RHBDL3: variants seen among roughly 807,000 people sequenced by gnomAD.
The protein encoded by RHBDL3 is rhomboid like 3.
RHBDL3 carries 28 observed loss-of-function variants against 48.2 expected under a neutral mutation model. The ratio of observed to expected loss-of-function variants is 0.58; its 90% CI spans 0.43 to 0.80. RHBDL3 has a LOEUF of 0.80. Among genes scored for constraint, RHBDL3 ranks in the 30% least tolerant of loss-of-function variants. The pLI, the probability that RHBDL3 is intolerant of heterozygous loss-of-function variation, is 0.00. For synonymous variants in RHBDL3, 208 were observed against 232.3 expected, an observed-to-expected ratio of 0.90 and a Z score of 0.95; for missense variants, 464 against 542.7, an observed-to-expected ratio of 0.85 and a Z score of 1.44.
chr17:32,277,068 T>C (rs1045538895), intron 2 of RHBDL3, among the ~76,000 whole-genome samples: 2 of 152,168 alleles, frequency 1.3e-5, no homozygotes, highest in Admixed American at 1.3e-4. Flanking sequence ...GAGAAGACAA[T>C]GGGGATCCGG....
intron 7 of RHBDL3, among the ~76,000 whole-genome samples, chr17:32,307,576 T>C (rs1484719688): frequency 6.6e-6 from 1 of 152,098 alleles, no homozygotes; most frequent in African/African-American, 2.4e-5. Flanking sequence ...AGACACTGAG[T>C]ACCTGCCTAT....
intron 2 of RHBDL3, among the ~76,000 whole-genome samples, chr17:32,276,674 G>A (rs932222308): frequency 1.1e-4 from 14 of 125,376 alleles, no homozygotes; most frequent in African/African-American, 3.3e-4. Context: ...GGACTCCAGC[G>A]CTAGCACCGT....
At position 32,291,383 on chromosome 17, in the gene RHBDL3, A is replaced by C. The variant is rs117483107; in HGVS notation, c.519+2367A>C. ...AAGAATTTAGGACCTTGAGTGTATG[A>C]GCAAAAACACTATCCTGGCCGGGCA... On this transcript the variant is annotated intron_variant, in intron 4 of 8. Coordinates refer to ENST00000269051, the MANE Select transcript of RHBDL3 (RefSeq NM_138328.3). 6.3e-3 allele frequency among the ~76,000 whole-genome samples: 957 copies of C among 151,444 alleles called. 4 individuals are homozygous for C. Among genetic ancestry groups the C allele is most frequent in the East Asian group, 0.033 (166 of 5,096 alleles).
At chr17:32,271,727 G>A (rs558507954) in intron 2 of RHBDL3, among the ~76,000 whole-genome samples, 7 of 152,166 alleles carry the variant, frequency 4.6e-5, no homozygotes, top group Non-Finnish European at 8.8e-5. Context: ...AAGCTCAAAA[G>A]AACAAGAGGG....
intron 7 of RHBDL3, among the ~76,000 whole-genome samples, chr17:32,309,904 C>T (rs1486873101): frequency 2.0e-5 from 3 of 151,526 alleles, no homozygotes; most frequent in East Asian, 4.0e-4. Flanking sequence ...CTCAGCCCCC[C>T]GAGTAGCTGG....
At chr17:32,310,721 ATAT>A (rs2040825903) in intron 7 of RHBDL3, among the ~76,000 whole-genome samples, 1 of 100,738 alleles carries the variant, frequency 9.9e-6, no homozygotes. Context: ...TAAAAAAAAT[ATAT>A]ATATAAAAAA....
rs1377728887 is a variant in RHBDL3, at chr17:32,276,288, CAG to C, written c.135+8364_135+8365del. 5.3e-5 allele frequency among the ~76,000 whole-genome samples: 8 copies of C among 152,160 alleles called. No homozygotes were observed. The East Asian group carries it at 1.5e-3, about 29-fold the overall frequency. Reference sequence around the variant, plus strand: ...TGTGAAAGTCAGTATTTTAAAGAGTCAGGGGAAAAGATCAAGGGAAGGGTGTG... The same window carrying C: ...TGTGAAAGTCAGTATTTTAAAGAGTCGGGAAAAGATCAAGGGAAGGGTGTG... On this transcript the variant is annotated intron_variant, in intron 2 of 8. Coordinates refer to ENST00000269051, the MANE Select transcript of RHBDL3 (RefSeq NM_138328.3).
chr17:32,266,427 G>C, intron 1 of RHBDL3, 127 bp downstream of exon 1: 1 of 461,208 alleles, frequency 2.2e-6, no homozygotes, highest in South Asian at 3.3e-5. Context: ...GGATTGGCCG[G>C]GTCCCCGCGG....
rs766905302 is a variant in RHBDL3, at chr17:32,284,827, C to T, written c.294+10C>T. On this transcript the variant is annotated intron_variant, in intron 3 of 8. Coordinates refer to ENST00000269051, the MANE Select transcript of RHBDL3 (RefSeq NM_138328.3). ...GGATTTTGTCAGCCTAGTGAGTGCT[C>T]TGGGGCCCTTGGTACTCGGGGGGAC... The T allele has an allele frequency of 1.2e-6, 2 of 1,612,278 alleles. No homozygotes were observed. Among genetic ancestry groups the T allele is most frequent in the Non-Finnish European group, 1.7e-6 (2 of 1,178,820 alleles).
At position 32,284,675 on chromosome 17, in the gene RHBDL3, C is replaced by G; in HGVS notation, c.152C>G (p.Thr51Arg). ...TTCCCTCAGTTTGACCCTGGGAACA[C>G]AGGCTACATTAGCACAGGCAAGTTC... ...VLFDQFDPGN[T>R]GYISTGKFRS... is the part of the protein sequence containing the mutation. The change falls in exon 3 of 9, where the codon ACA (threonine) becomes AGA (arginine). Residue 51 changes from threonine to arginine, a missense_variant. Coordinates refer to ENST00000269051, the MANE Select transcript of RHBDL3 (RefSeq NM_138328.3). 3 of 1,614,132 alleles carry G rather than the reference C, an allele frequency of 1.9e-6. No homozygotes were observed. Among genetic ancestry groups the G allele is most frequent in the East Asian group, 2.2e-5 (1 of 44,890 alleles).
chr17:32,324,261 A>G lies in RHBDL3; in HGVS notation c.*3032A>G, dbSNP rs749255595. 2.0e-5 allele frequency: 3 copies of G among 152,644 alleles called. No homozygotes were observed. The highest frequency in any genetic ancestry group is 4.4e-5 in the Non-Finnish European group (3 of 68,032). 9.5% of individuals were successfully genotyped at this position (152,644 alleles called of 1,614,324 possible). A position where few individuals can be genotyped will look rare whatever the true frequency, so the allele number is the denominator to read the frequency against. On this transcript the variant is annotated 3_prime_UTR_variant, in exon 9 of 9. Coordinates refer to ENST00000269051, the MANE Select transcript of RHBDL3 (RefSeq NM_138328.3). The stretch of plus-strand genomic sequence containing the variant: ...GTTTTTTAATTAGGAAAAGCTCCCT[A>G]ATGAGGCTCTTTTGCCAGCTAATAG...
intron 8 of RHBDL3, 131 bp from the exon 9 acceptor site, chr17:32,320,827 A>T (rs985098025): frequency 4.5e-6 from 3 of 660,648 alleles, no homozygotes; most frequent in Non-Finnish European, 7.9e-6. Context: ...CTCCTTCACT[A>T]CTGTGTCCCC....
rs968260833 is a variant in RHBDL3 at position 32,323,478 on chromosome 17, C to T, written c.*2249C>T. ...CTTTCCTGGAGGGATGGAGAATCCC[C>T]TCCAGATTCCTGTCCTGGCCCCTGG... On this transcript the variant is annotated 3_prime_UTR_variant, in exon 9 of 9. Transcript: ENST00000269051. The T allele has an allele frequency of 1.3e-5, 2 of 152,408 alleles. No homozygotes were observed. Among genetic ancestry groups the T allele is most frequent in the Non-Finnish European group, 2.9e-5 (2 of 68,272 alleles). The allele number at this position is 152,408 out of a possible 1,614,324, so 9.4% of individuals were successfully genotyped here.
At chr17:32,310,648 G>A (rs2040822902) in intron 7 of RHBDL3, among the ~76,000 whole-genome samples, 1 of 152,108 alleles carries the variant, frequency 6.6e-6, no homozygotes, top group Non-Finnish European at 1.5e-5. Flanking sequence ...GGGAGGCGGA[G>A]GTTGCAGTGA....
chr17:32,284,442 A>T (rs1299576162), intron 2 of RHBDL3: 4 of 506,178 alleles, frequency 7.9e-6, no homozygotes, highest in Non-Finnish European at 1.4e-5. Context: ...TCCACGTGAG[A>T]TGGTTGGATT....
At chr17:32,290,440 G>A (rs1461068524) in intron 4 of RHBDL3, among the ~76,000 whole-genome samples, 2 of 152,072 alleles carry the variant, frequency 1.3e-5, no homozygotes, top group Non-Finnish European at 2.9e-5. Flanking sequence ...ATGTAAACCC[G>A]AACCACCAAT....
At chr17:32,300,838 T>C (rs1019400711) in intron 6 of RHBDL3, among the ~76,000 whole-genome samples, 4 of 151,722 alleles carry the variant, frequency 2.6e-5, no homozygotes, top group Admixed American at 2.6e-4. Flanking sequence ...TGAAAAGTAC[T>C]AGAACTAGGG....
At chr17:32,285,915 G>A (rs1018099248) in intron 3 of RHBDL3, among the ~76,000 whole-genome samples, 8 of 152,212 alleles carry the variant, frequency 5.3e-5, no homozygotes, top group Non-Finnish European at 1.2e-4. Context: ...ACAGCCTCTT[G>A]GCTGAGGTCC....
chr17:32,293,103 T>C (rs1458204426), intron 4 of RHBDL3, among the ~76,000 whole-genome samples: 1 of 146,110 alleles, frequency 6.8e-6, no homozygotes, highest in Non-Finnish European at 1.5e-5. Context: ...ATTCCACTTA[T>C]ATGAGGTAGC....
Sources: gnomAD v4.1 joint callset for allele counts (sites outside exome capture counted in the v4.1 genomes callset) on GRCh38, gnomAD v4.1.1 for gene constraint, MANE v1.5 for transcripts, NCBI Gene and HGNC (gene_info 2026-07-23, HGNC 2026-07-21) for gene names.